The following ATP13A4 variants were observed in gnomAD, a reference collection of about 807,000 sequenced individuals.
The protein encoded by ATP13A4 is ATPase 13A4, also known as probable cation-transporting ATPase 13A4.
Under a neutral mutation model 142.5 loss-of-function variants are expected in ATP13A4, and 114 were observed. That is an observed-to-expected ratio of 0.80 (90% CI 0.69 to 0.93). ATP13A4 has a LOEUF of 0.93. Among genes scored for constraint, ATP13A4 ranks in the 40% least tolerant of loss-of-function variants. The probability of loss-of-function intolerance (pLI) is 0.00; values close to 1 mark genes in which losing one functional copy is unlikely to be tolerated. For missense variants in ATP13A4, 1,392 were observed against 1,454.0 expected (o/e 0.96, Z 0.69); for synonymous variants, 488 against 514.8 (o/e 0.95, Z 0.70).
intron 12 of ATP13A4, among the ~76,000 whole-genome samples, chr3:193,463,091 A>C (rs1718054064): frequency 6.6e-6 from 1 of 152,160 alleles, no homozygotes; most frequent in South Asian, 2.1e-4. Flanking sequence ...CAAGATCAGC[A>C]CTTCAAGGAG....
intron 3 of ATP13A4, among the ~76,000 whole-genome samples, chr3:193,499,476 T>A (rs1337273857): frequency 6.6e-6 from 1 of 152,230 alleles, no homozygotes; most frequent in Admixed American, 6.5e-5. Context: ...TTATGTTTAG[T>A]CTTTTCCATC....
At position 193,440,601 on chromosome 3, in the gene ATP13A4, GA is replaced by G. The variant is rs1716571933; in HGVS notation, c.2475del (p.Pro826LeufsTer18). 1 of 1,613,934 alleles carries G rather than the reference GA, an allele frequency of 6.2e-7. No homozygotes were observed. The highest frequency in any genetic ancestry group is 1.3e-5 in the African/African-American group (1 of 74,894). Reference protein sequence around the residue: ...LINGTIFARMSPGQKSSLVEE... With the variant: ...LINGTIFARMXPGQKSSLVEE... ...TCCACCAGACTGGACTTCTGCCCAGGAGACATTCTTGCAAAGATGGTCCCAT... is the reference window on the plus strand; with the variant it reads ...TCCACCAGACTGGACTTCTGCCCAGGGACATTCTTGCAAAGATGGTCCCAT... On this transcript the variant is annotated frameshift_variant, in exon 21 of 30. Transcript: ENST00000342695. LOFTEE classifies it high-confidence loss of function.
chr3:193,506,070 T>C (rs1403147757), intron 2 of ATP13A4, among the ~76,000 whole-genome samples: 1 of 152,204 alleles, frequency 6.6e-6, no homozygotes, highest in Non-Finnish European at 1.5e-5. Flanking sequence ...AGCATGTTGT[T>C]TCTGAGTTCT....
Position 193,489,733 on chromosome 3 carries a change from T to A in ATP13A4, c.735A>T (p.Arg245Ser). Residue 245 changes from arginine (R) to serine (S), a missense_variant, in exon 7 of 30, where the codon AGA becomes AGT. By Grantham distance (110) the Arg-to-Ser change is moderately radical. Transcript: ENST00000342695. Reference protein sequence around the residue: ...ISISLTVYDLREQSVKLHHLV... With the variant: ...ISISLTVYDLSEQSVKLHHLV... ...TAGAATTAATAGAAAAACTCACCTC[T>A]CTGAGATCATATACTGTCAAAGATA... 6.2e-7 allele frequency: 1 copy of A among 1,608,486 alleles called. No homozygotes were observed. The highest frequency in any genetic ancestry group is 8.5e-7 in the Non-Finnish European group (1 of 1,175,026).
intron 1 of ATP13A4, among the ~76,000 whole-genome samples, chr3:193,550,956 GT>G (rs1723527534): frequency 6.6e-6 from 1 of 152,140 alleles, no homozygotes; most frequent in Admixed American, 6.5e-5. Context: ...AATACAAAAC[GT>G]CAGGACTCAA....
upstream of ATP13A4, among the ~76,000 whole-genome samples, chr3:193,555,420 CA>C (rs979515789): frequency 6.6e-6 from 1 of 151,620 alleles, no homozygotes; most frequent in Non-Finnish European, 1.5e-5. Context: ...CTTGTATATG[CA>C]AAAAAAATTC....
intron 25 of ATP13A4, among the ~76,000 whole-genome samples, chr3:193,431,467 T>C (rs553534964): frequency 2.0e-5 from 3 of 152,052 alleles, no homozygotes; most frequent in South Asian, 4.2e-4. Flanking sequence ...AGATTACTTA[T>C]GGAGATGGTA....
chr3:193,449,162 G>A (rs772269644), intron 17 of ATP13A4, among the ~76,000 whole-genome samples: 1 of 152,156 alleles, frequency 6.6e-6, no homozygotes, highest in Admixed American at 6.5e-5. Flanking sequence ...TGTATCAAGC[G>A]TGAATGTTTC....
chr3:193,580,107 T>C (rs1370879684), intron 2 of ATP13A4, among the ~76,000 whole-genome samples: 1 of 152,184 alleles, frequency 6.6e-6, no homozygotes, highest in African/African-American at 2.4e-5. Context: ...AGCGTGTGTG[T>C]TTATTTTATA....
intron 18 of ATP13A4, among the ~76,000 whole-genome samples, chr3:193,444,425 A>C (rs1474416635): frequency 6.6e-6 from 1 of 152,254 alleles, no homozygotes; most frequent in East Asian, 1.9e-4. Context: ...ATGCTCAAAA[A>C]ATAAACAACA....
chr3:193,430,340 C>A (rs1715901183), intron 25 of ATP13A4, among the ~76,000 whole-genome samples: 1 of 152,108 alleles, frequency 6.6e-6, no homozygotes, highest in Non-Finnish European at 1.5e-5. Context: ...AAATATTTAA[C>A]AAGCTCCTTT....
intron 23 of ATP13A4, 35 bp downstream of exon 23, chr3:193,438,440 G>C: frequency 4.0e-6 from 6 of 1,498,572 alleles, no homozygotes; most frequent in Non-Finnish European, 5.6e-6. Flanking sequence ...GAAGTCAAGA[G>C]AGAGAAAACA....
At chr3:193,542,064 T>C (rs1722960938) in intron 1 of ATP13A4, among the ~76,000 whole-genome samples, 1 of 152,180 alleles carries the variant, frequency 6.6e-6, no homozygotes, top group Admixed American at 6.5e-5. Context: ...CATGATCCTA[T>C]ATCTAGAAAA....
upstream of ATP13A4, among the ~76,000 whole-genome samples, chr3:193,555,851 G>C (rs929998572): frequency 1.3e-5 from 2 of 152,206 alleles, no homozygotes; most frequent in African/African-American, 4.8e-5. Context: ...CCAGCTGCTT[G>C]TCTGCACTGG....
intron 17 of ATP13A4, 107 bp downstream of exon 17, chr3:193,453,994 C>T: frequency 2.2e-6 from 2 of 918,594 alleles, no homozygotes; most frequent in Non-Finnish European, 3.5e-6. Flanking sequence ...TTGCTCTGTC[C>T]ACCACCCAGA....
intron 2 of ATP13A4, among the ~76,000 whole-genome samples, chr3:193,509,720 T>A (rs1721041558): frequency 1.3e-5 from 2 of 152,176 alleles, no homozygotes; most frequent in South Asian, 4.2e-4. Flanking sequence ...CCTTCTGAAC[T>A]GGCGCAAAGA....
At chr3:193,545,592 T>C (rs961669372) in intron 1 of ATP13A4, among the ~76,000 whole-genome samples, 1 of 152,130 alleles carries the variant, frequency 6.6e-6, no homozygotes, top group African/African-American at 2.4e-5. Flanking sequence ...ATTTGTCAAG[T>C]CAACCTACTC....
chr3:193,533,560 A>T (rs997327369), intron 1 of ATP13A4, among the ~76,000 whole-genome samples: 3 of 152,138 alleles, frequency 2.0e-5, no homozygotes, highest in African/African-American at 7.2e-5. Flanking sequence ...ACAGAAGCAG[A>T]CCAAAGAAAA....
intron 1 of ATP13A4, among the ~76,000 whole-genome samples, chr3:193,531,527 G>A (rs549203084): frequency 1.2e-4 from 19 of 152,256 alleles, no homozygotes; most frequent in African/African-American, 4.3e-4. Flanking sequence ...TTAAATATAC[G>A]CTTCTCTCAC....
Sources: gnomAD v4.1 joint callset for allele counts (sites outside exome capture counted in the v4.1 genomes callset) on GRCh38, gnomAD v4.1.1 for gene constraint, MANE v1.5 for transcripts, NCBI Gene and HGNC (gene_info 2026-07-23, HGNC 2026-07-21) for gene names.